ATP2B2: variants seen among roughly 807,000 people sequenced by gnomAD.
The protein encoded by ATP2B2 is plasma membrane calcium-transporting ATPase 2.
A neutral mutation model predicts 120.0 loss-of-function variants in ATP2B2; 15 were observed. The ratio of observed to expected loss-of-function variants is 0.12; its 90% confidence interval spans 0.08 to 0.19. ATP2B2 has a LOEUF of 0.19. Among genes scored for constraint, ATP2B2 ranks in the 10% least tolerant of loss-of-function variants. The pLI, the probability that ATP2B2 is intolerant of heterozygous loss-of-function variation, is 1.00. For missense variants in ATP2B2, 1,045 were observed against 1,719.8 expected, an observed-to-expected ratio of 0.61 and a Z score of 6.94; for synonymous variants, 694 against 700.3, an observed-to-expected ratio of 0.99 and a Z score of 0.14.
intron 1 of ATP2B2, among the ~76,000 whole-genome samples, chr3:10,655,885 T>C (rs951010066): frequency 6.6e-6 from 1 of 152,226 alleles, no homozygotes; most frequent in African/African-American, 2.4e-5. Flanking sequence ...CTCCTCCTTC[T>C]TCATCGATGC....
chr3:10,329,980 C>T lies in ATP2B2; in HGVS notation c.3421-855G>A, dbSNP rs769682460. 2.0e-5 allele frequency among the ~76,000 whole-genome samples: 3 copies of T among 152,164 alleles called. No homozygotes were observed. Among genetic ancestry groups the T allele is most frequent in the South Asian group, 2.1e-4 (1 of 4,826 alleles). ...TCGAGTATAGACTCAAAGCCCTGGC[C>T]GGCCAGTTATTGGAGCTTGCTTTGG... is the stretch of plus-strand genomic sequence containing the variant. On this transcript the variant is annotated intron_variant, in intron 22 of 22. Coordinates refer to ENST00000360273, the MANE Select transcript of ATP2B2 (RefSeq NM_001001331.4). This position sits in a 1 kb window ranked among gnomAD's most constrained non-coding sequence, Gnocchi z 5.9.
chr3:10,361,523 C>T (rs990892676), intron 12 of ATP2B2, among the ~76,000 whole-genome samples: 3 of 152,180 alleles, frequency 2.0e-5, no homozygotes, highest in East Asian at 1.9e-4. Flanking sequence ...GCCCTGTGCC[C>T]GCCGCAGGGC....
At chr3:10,510,431 G>A (rs899702202), upstream of ATP2B2, among the ~76,000 whole-genome samples, 1 of 152,274 alleles carries the variant, frequency 6.6e-6, no homozygotes, top group Non-Finnish European at 1.5e-5. Flanking sequence ...AACTGCAGGA[G>A]GCCCTGTGGC....
chr3:10,499,445 C>A (rs2066291674), intron 1 of ATP2B2, among the ~76,000 whole-genome samples: 1 of 152,208 alleles, frequency 6.6e-6, no homozygotes, highest in African/African-American at 2.4e-5. Context: ...ATAAGCAATT[C>A]CCCTCCCACG....
intron 1 of ATP2B2, among the ~76,000 whole-genome samples, chr3:10,627,643 A>ACTGTC (rs1215562755): frequency 6.6e-6 from 1 of 152,164 alleles, no homozygotes; most frequent in Non-Finnish European, 1.5e-5. Context: ...ATGCTAGCTT[A>ACTGTC]CTGTCCTTCC....
At chr3:10,683,736 A>ATG (rs1559519993) in intron 1 of ATP2B2, among the ~76,000 whole-genome samples, 3 of 124,236 alleles carry the variant, frequency 2.4e-5, no homozygotes, top group African/African-American at 6.0e-5. Flanking sequence ...GTGTATATAT[A>ATG]TGTGTATATA....
rs2063970235 is a variant in ATP2B2 at position 10,449,816 on chromosome 3, AT to A, written c.-274del. 1.9e-6 allele frequency: 1 copy of A among 516,516 alleles called. No homozygotes were observed. Among genetic ancestry groups the A allele is most frequent in the Admixed American group, 3.2e-5 (1 of 31,214 alleles). 32.0% of individuals were successfully genotyped at this position (516,516 alleles called of 1,614,324 possible). On this transcript the variant is annotated 5_prime_UTR_variant, in exon 2 of 23. An upstream start codon of the reference 5' UTR is lost. Coordinates refer to ENST00000360273, the MANE Select transcript of ATP2B2 (RefSeq NM_001001331.4). The stretch of plus-strand genomic sequence containing the variant: ...CAGGAGTCTCCATTCAGTGGGGCCC[AT>A]GCTGCTCCCTGGAACTGGCATCTAC...
At chr3:10,482,956 C>G (rs1047912376) in intron 1 of ATP2B2, among the ~76,000 whole-genome samples, 9 of 152,230 alleles carry the variant, frequency 5.9e-5, no homozygotes, top group African/African-American at 2.2e-4. Context: ...GACAACCAAC[C>G]CGTGCAGCAG....
At chr3:10,603,561 A>G (rs372968476) in intron 2 of ATP2B2, among the ~76,000 whole-genome samples, 3 of 152,216 alleles carry the variant, frequency 2.0e-5, no homozygotes, top group East Asian at 3.9e-4. Flanking sequence ...AGTGCAGGTA[A>G]GAGCCCTCTT....
intron 1 of ATP2B2, among the ~76,000 whole-genome samples, chr3:10,683,760 G>GTA (rs71055831): frequency 0.01 from 538 of 53,742 alleles, 10 homozygotes; most frequent in Non-Finnish European, 0.016. Flanking sequence ...GTGTGTGTGT[G>GTA]TATATATATA....
intron 2 of ATP2B2, among the ~76,000 whole-genome samples, chr3:10,554,076 G>C (rs1312443509): frequency 6.6e-6 from 1 of 152,096 alleles, no homozygotes; most frequent in Non-Finnish European, 1.5e-5. Context: ...AGGGCCCGGT[G>C]AGAGGCTGCC....
intron 2 of ATP2B2, among the ~76,000 whole-genome samples, chr3:10,546,667 C>T (rs1179458691): frequency 6.6e-6 from 1 of 152,182 alleles, no homozygotes; most frequent in Non-Finnish European, 1.5e-5. Context: ...AAATTAGCCC[C>T]CAAAGTCCCA....
intron 2 of ATP2B2, among the ~76,000 whole-genome samples, chr3:10,447,523 G>T (rs1336810143): frequency 2.0e-5 from 3 of 152,236 alleles, no homozygotes; most frequent in Non-Finnish European, 4.4e-5. Flanking sequence ...TGAGAGAGGG[G>T]CCACAGTGCC....
chr3:10,696,220 T>C (rs2071739820), intron 1 of ATP2B2, among the ~76,000 whole-genome samples: 1 of 152,228 alleles, frequency 6.6e-6, no homozygotes, highest in Admixed American at 6.5e-5. Flanking sequence ...TTTCTGACTC[T>C]GGTTATAAAA....
intron 3 of ATP2B2, among the ~76,000 whole-genome samples, chr3:10,514,251 G>T (rs888039391): frequency 2.0e-5 from 3 of 152,182 alleles, no homozygotes; most frequent in African/African-American, 7.2e-5. Context: ...CTTGGGTTCT[G>T]CCAGGGTGTC....
intron 14 of ATP2B2, among the ~76,000 whole-genome samples, chr3:10,355,462 G>A (rs2060689051): frequency 6.6e-6 from 1 of 152,192 alleles, no homozygotes; most frequent in African/African-American, 2.4e-5. Flanking sequence ...AGATGGGAGG[G>A]TAAGTCTTCC....
At chr3:10,438,195 G>T (rs2063539064) in intron 2 of ATP2B2, among the ~76,000 whole-genome samples, 1 of 152,158 alleles carries the variant, frequency 6.6e-6, no homozygotes, top group Non-Finnish European at 1.5e-5. Context: ...GGTCCTTGAA[G>T]GCCCTTCCAG....
At chr3:10,368,603 C>A (rs893381591) in intron 12 of ATP2B2, among the ~76,000 whole-genome samples, 1 of 151,718 alleles carries the variant, frequency 6.6e-6, no homozygotes, top group African/African-American at 2.4e-5. Flanking sequence ...CGCCAATGAA[C>A]ACATCCATCC....
intron 13 of ATP2B2, 61 bp downstream of exon 13, chr3:10,359,821 C>T (rs2060844946): frequency 9.9e-6 from 16 of 1,610,802 alleles, no homozygotes; most frequent in Non-Finnish European, 2.5e-6. Context: ...ATGACCCTGA[C>T]ATCCCCAGCT....
Sources: gnomAD v4.1 joint callset for allele counts (sites outside exome capture counted in the v4.1 genomes callset) on GRCh38, gnomAD v4.1.1 for gene constraint, Gnocchi (gnomAD v3.1) non-coding constraint, MANE v1.5 for transcripts, NCBI Gene and HGNC (gene_info 2026-07-23, HGNC 2026-07-21) for gene names.